PCDH1: variants seen among roughly 807,000 people sequenced by gnomAD.
The protein encoded by PCDH1 is protocadherin 1.
PCDH1 carries 23 observed loss-of-function variants against 74.6 expected under a neutral mutation model. That is an observed-to-expected ratio of 0.31 (90% confidence interval 0.22 to 0.44). The LOEUF is 0.44. Ranked by LOEUF, PCDH1 falls within the 20% of genes least tolerant of loss-of-function variation. The pLI is 1.00. For synonymous variants in PCDH1, 647 were observed against 686.1 expected, an observed-to-expected ratio of 0.94 and a Z score of 0.89; for missense variants, 1,214 against 1,641.4, an observed-to-expected ratio of 0.74 and a Z score of 4.50.
At chr5:141,860,876 G>A (rs1752537338) in intron 3 of PCDH1, among the ~76,000 whole-genome samples, 3 of 152,156 alleles carry the variant, frequency 2.0e-5, no homozygotes, top group East Asian at 1.9e-4. Flanking sequence ...AGCACTTTGG[G>A]AGGCCACGGC....
chr5:141,864,301 T>TG lies in PCDH1; in HGVS notation c.2029dup (p.Gln677ProfsTer34). 1 of 1,614,062 alleles carries TG rather than the reference T, an allele frequency of 6.2e-7. No homozygotes were observed. Among genetic ancestry groups the TG allele is most frequent in the Non-Finnish European group, 8.5e-7 (1 of 1,179,928 alleles). ...CAGCTGGAAGGTGTAGGTGCTTTGT[T>TG]GCTCTCGATCAAAGCTCAGGCTGGA... On this transcript the variant is annotated frameshift_variant, in exon 3 of 5. Transcript: ENST00000287008. LOFTEE classifies it high-confidence loss of function. This position sits in a 1 kb window ranked among gnomAD's most constrained non-coding sequence, Gnocchi z 5.9.
chr5:141,855,956 C>CT (rs1030370857), intron 4 of PCDH1, among the ~76,000 whole-genome samples: 1 of 148,186 alleles, frequency 6.7e-6, no homozygotes, highest in African/African-American at 2.5e-5. Flanking sequence ...AGGCAGTGAC[C>CT]CCCCCCCACC....
chr5:141,876,681 C>G (rs1278196209), intron 1 of PCDH1, among the ~76,000 whole-genome samples: 2 of 152,240 alleles, frequency 1.3e-5, no homozygotes. Flanking sequence ...CTGCCGCGAT[C>G]TCCGTTCTGG....
intron 4 of PCDH1, chr5:141,856,173 G>C: frequency 6.6e-7 from 1 of 1,515,442 alleles, no homozygotes. Flanking sequence ...GTGAGGCTGG[G>C]TGCTGGGCAG....
Position 141,865,298 on chromosome 5 carries a change from C to T in PCDH1, c.1033G>A (p.Val345Met), listed in dbSNP as rs1215705853. 6.2e-7 allele frequency: 1 copy of T among 1,614,206 alleles called. No homozygotes were observed. Among genetic ancestry groups the T allele is most frequent in the South Asian group, 1.1e-5 (1 of 91,084 alleles). The change falls in exon 3 of 5, where the codon GTG becomes ATG. Residue 345 changes from valine to methionine, a missense_variant. Coordinates refer to ENST00000287008, the MANE Select transcript of PCDH1 (RefSeq NM_032420.5). This position sits in a 1 kb window ranked among gnomAD's most constrained non-coding sequence, Gnocchi z 4.4. ...AGGGTGCTTAGGTCCTCACGGTCCA[C>T]CGGGCCCTGAACAGTGATAAGTCCA... ...NTGLITVQGP[V>M]DREDLSTLRF...
chr5:141,856,061 G>C (rs1401237918), intron 4 of PCDH1, among the ~76,000 whole-genome samples: 1 of 152,244 alleles, frequency 6.6e-6, no homozygotes, highest in East Asian at 1.9e-4. Flanking sequence ...AGGTGAGGAG[G>C]GGACAGCTCT....
At chr5:141,855,352 CACAA>C (rs958438528) in intron 4 of PCDH1, among the ~76,000 whole-genome samples, 1 of 151,040 alleles carries the variant, frequency 6.6e-6, no homozygotes, top group African/African-American at 2.4e-5. Context: ...CAGACAGGTG[CACAA>C]ACACACACTC....
intron 1 of PCDH1, among the ~76,000 whole-genome samples, chr5:141,872,447 T>C (rs1469985071): frequency 1.3e-5 from 2 of 152,212 alleles, no homozygotes; most frequent in African/African-American, 4.8e-5. Flanking sequence ...TCTTCTGTGG[T>C]CACATCCTCC....
At chr5:141,875,395 A>G (rs1753197013) in intron 1 of PCDH1, among the ~76,000 whole-genome samples, 1 of 152,118 alleles carries the variant, frequency 6.6e-6, no homozygotes, top group Non-Finnish European at 1.5e-5. Context: ...AAAGGTGCTC[A>G]ATACATTGTT....
At position 141,864,225 on chromosome 5, in the gene PCDH1, G is replaced by A. The variant is rs780208242; in HGVS notation, c.2106C>T (p.Thr702=). 3 of 1,607,486 alleles carry A rather than the reference G, an allele frequency of 1.9e-6. No homozygotes were observed. Among genetic ancestry groups the A allele is most frequent in the Non-Finnish European group, 2.6e-6 (3 of 1,174,752 alleles). ...VPPRSAYVGV[T]INVLDENDNA... The stretch of plus-strand genomic sequence containing the variant: ...TGTCATTCTCGTCCAGCACATTGAT[G>A]GTGACACCAACGTAAGCTGAGCGAG... The change falls in exon 3 of 5, where the codon ACC becomes ACT. Residue 702 remains threonine, a synonymous_variant. Coordinates refer to ENST00000287008, the MANE Select transcript of PCDH1 (RefSeq NM_032420.5). This position sits in a 1 kb window ranked among gnomAD's most constrained non-coding sequence, Gnocchi z 5.9.
intron 2 of PCDH1, chr5:141,866,253 C>A: frequency 2.0e-6 from 2 of 985,320 alleles, no homozygotes; most frequent in South Asian, 4.7e-5. Flanking sequence ...TGCGAGGAAT[C>A]CGGCCTGAGC....
chr5:141,874,669 G>C (rs577529633), intron 1 of PCDH1, among the ~76,000 whole-genome samples: 1 of 152,144 alleles, frequency 6.6e-6, no homozygotes, highest in Non-Finnish European at 1.5e-5. Context: ...AGCCCACCCC[G>C]GGGACCAAGG....
rs756508953 is a variant in PCDH1, at chr5:141,854,140, C to T, written c.3616G>A (p.Ala1206Thr). Reference protein sequence around the residue: ...HSSHDSCKDSATLEEIPLTQT... With the variant: ...HSSHDSCKDSTTLEEIPLTQT... ...GTCAGGGGGATTTCCTCCAAGGTGG[C>T]CGAGTCCTTGCAGGAATCATGGCTA... is the stretch of plus-strand genomic sequence containing the variant. The change falls in exon 5 of 5, where the codon GCC becomes ACC. Residue 1206 changes from alanine to threonine, a missense_variant. Physicochemically the swap from Ala to Thr is moderately conservative, Grantham distance 58. Around this residue, in one of 4 missense-constraint regions of PCDH1, gnomAD observed 194 missense variants for 198.3 expected, o/e 0.98. Coordinates refer to ENST00000287008, the MANE Select transcript of PCDH1 (RefSeq NM_032420.5). The T allele has an allele frequency of 6.3e-7, 1 of 1,597,984 alleles. No individual in the cohort carries two copies. Among genetic ancestry groups the T allele is most frequent in the African/African-American group, 1.3e-5 (1 of 74,706 alleles).
At position 141,869,527 on chromosome 5, in the gene PCDH1, T is replaced by C. The variant is rs1331081376; in HGVS notation, c.41-96A>G. On this transcript the variant is annotated intron_variant, in intron 1 of 4. Transcript: ENST00000287008. The surrounding 1 kb of genome is among the most constrained non-coding windows in gnomAD (Gnocchi z 4.9). The stretch of plus-strand genomic sequence containing the variant: ...TGGCCCCATACTCACCCTCTCCCAC[T>C]GACACACGATTCTCCACAAGAGCAG... 1 of 1,546,544 alleles carries C rather than the reference T, an allele frequency of 6.5e-7. No individual in the cohort carries two copies. Among genetic ancestry groups the C allele is most frequent in the East Asian group, 2.4e-5 (1 of 42,386 alleles).
Position 141,857,359 on chromosome 5 carries a change from C to T in PCDH1, c.3212G>A (p.Ser1071Asn). The T allele has an allele frequency of 6.2e-7, 1 of 1,614,020 alleles. No homozygotes were observed. Among genetic ancestry groups the T allele is most frequent in the Non-Finnish European group, 8.5e-7 (1 of 1,179,960 alleles). Residue 1071 changes from serine (S) to asparagine (N), a missense_variant, in exon 4 of 5, where the codon AGC (serine) becomes AAC (asparagine). By Grantham distance (46) the Ser-to-Asn change is conservative. Coordinates refer to ENST00000287008, the MANE Select transcript of PCDH1 (RefSeq NM_032420.5). ...SGLEESETPS[S>N]KSSSGPRLGP... ...GAGTCGAGGCCCTGAGGATGACTTG[C>T]TGGACGGCGTCTCAGACTCCTCCAG...
intron 3 of PCDH1, among the ~76,000 whole-genome samples, chr5:141,859,712 C>T (rs1752493823): frequency 1.3e-5 from 2 of 150,430 alleles, no homozygotes; most frequent in African/African-American, 2.4e-5. Flanking sequence ...TAACCTTTGC[C>T]AAATCCATCC....
intron 2 of PCDH1, among the ~76,000 whole-genome samples, chr5:141,866,517 C>G (rs1752844753): frequency 6.6e-6 from 1 of 152,178 alleles, no homozygotes; most frequent in South Asian, 2.1e-4. Context: ...CACAGCCAGA[C>G]AGAATGTGAC....
In PCDH1 at chr5:141,863,859, G is replaced by C. The variant is rs1752685097; in HGVS notation, c.2472C>G (p.Thr824=). 1.2e-6 allele frequency: 2 copies of C among 1,614,012 alleles called. No individual in the cohort carries two copies. The highest frequency in any genetic ancestry group is 2.7e-5 in the African/African-American group (2 of 74,906). The change falls in exon 3 of 5, where the codon ACC becomes ACG. Residue 824 remains threonine (T), a synonymous_variant. Transcript: ENST00000287008. This position sits in a 1 kb window ranked among gnomAD's most constrained non-coding sequence, Gnocchi z 7.5. The part of the protein sequence containing the change: ...ETLANRTLLE[T]LLGHSLDTPL... ...GCGTGTCCAGGCTGTGGCCCAGGAG[G>C]GTCTCCAGCAGCGTGCGGTTGGCCA...
At chr5:141,860,553 AG>A (rs1752525686) in intron 3 of PCDH1, among the ~76,000 whole-genome samples, 1 of 150,696 alleles carries the variant, frequency 6.6e-6, no homozygotes, top group Non-Finnish European at 1.5e-5. Flanking sequence ...CCTTTTTTGG[AG>A]GACTCTGCAG....
Sources: gnomAD v4.1 joint callset for allele counts (sites outside exome capture counted in the v4.1 genomes callset) on GRCh38, gnomAD v4.1.1 for gene constraint, gnomAD v4.1.1 regional missense constraint, Gnocchi (gnomAD v3.1) non-coding constraint, MANE v1.5 for transcripts, NCBI Gene and HGNC (gene_info 2026-07-23, HGNC 2026-07-21) for gene names.